CEP192: variants seen among roughly 807,000 people sequenced by gnomAD.
CEP192 encodes centrosomal protein of 192 kDa.
CEP192 carries 151 observed loss-of-function variants against 271.8 expected under a neutral mutation model. The observed-to-expected ratio is 0.56, with a 90% CI of 0.49 to 0.64. CEP192 has a LOEUF of 0.64. CEP192 is among the 30% of genes least tolerant of loss of function. CEP192 has a pLI of 0.00. For synonymous variants in CEP192, 995 were observed against 1,076.5 expected (o/e 0.92, Z 1.48); for missense variants, 2,910 against 3,020.5 (o/e 0.96, Z 0.86).
chr18:13,023,834 G>A (rs149511406), intron 9 of CEP192, among the ~76,000 whole-genome samples: 15 of 152,246 alleles, frequency 9.9e-5, no homozygotes, highest in Non-Finnish European at 2.1e-4. Flanking sequence ...ATTCACTGTT[G>A]AACCTATCTG....
At chr18:13,053,404 G>A (rs1000174690) in intron 18 of CEP192, among the ~76,000 whole-genome samples, 1 of 152,150 alleles carries the variant, frequency 6.6e-6, no homozygotes, top group African/African-American at 2.4e-5. Context: ...CTTTGCTTCA[G>A]CAAAGGTTTC....
At chr18:13,034,820 TAA>T (rs33997079) in intron 11 of CEP192, among the ~76,000 whole-genome samples, 42 of 104,476 alleles carry the variant, frequency 4.0e-4, no homozygotes, top group Admixed American at 5.8e-4. Context: ...CTCTGTCTCA[TAA>T]AAAAAAAAAA....
intron 1 of CEP192, among the ~76,000 whole-genome samples, chr18:12,993,232 T>C (rs1230546479): frequency 2.6e-5 from 4 of 152,112 alleles, no homozygotes; most frequent in African/African-American, 9.7e-5. Context: ...TGGATTTGGG[T>C]GAAGACTAAA....
rs1438947641 is a variant in CEP192, at chr18:13,029,977, C to T, written c.1365C>T (p.His455=). ...GTGAAAGGCGAACATGTGAATGTCA[C>T]GAGTCCATCGAAAAGAATAAAGACA... The part of the protein sequence containing the change: ...PTCERRTCEC[H]ESIEKNKDKT... The change falls in exon 10 of 45, where the codon CAC becomes CAT. Residue 455 remains histidine (H), a synonymous_variant. Transcript: ENST00000506447. The T allele has an allele frequency of 3.2e-6, 5 of 1,549,656 alleles. No individual in the cohort carries two copies. Among genetic ancestry groups the T allele is most frequent in the Admixed American group, 2.0e-5 (1 of 50,850 alleles).
intron 17 of CEP192, 80 bp from the exon 18 acceptor site, chr18:13,052,839 G>A (rs1475450213): frequency 9.5e-7 from 1 of 1,052,298 alleles, no homozygotes; most frequent in Non-Finnish European, 1.3e-6. Context: ...AAGATTGTAG[G>A]CCCATAGGAA....
chr18:13,013,019 AC>A lies in CEP192; in HGVS notation c.516del (p.Lys173ArgfsTer16). 1 of 1,460,814 alleles carries A rather than the reference AC, an allele frequency of 6.8e-7. No homozygotes were observed. The highest frequency in any genetic ancestry group is 1.4e-5 in the African/African-American group (1 of 71,260). 90.5% of individuals were successfully genotyped at this position (1,460,814 alleles called of 1,614,324 possible). Reference protein sequence around the residue: ...HLQSWMNNKEPKIVVLDAGKH... With the variant: ...HLQSWMNNKEXKIVVLDAGKH... ...TACAGTCATGGATGAATAATAAGGA[AC>A]CCAAGGTAACCTTTTATATATTTGG... On this transcript the variant is annotated frameshift_variant, in exon 5 of 45. Coordinates refer to ENST00000506447, the MANE Select transcript of CEP192 (RefSeq NM_032142.4). LOFTEE classifies it high-confidence loss of function.
In CEP192 at chr18:13,049,277, C is replaced by T; in HGVS notation, c.2486C>T (p.Ala829Val). The stretch of plus-strand genomic sequence containing the variant: ...GACATTCATCCGGTGGACTTAAGTG[C>T]TACTAGTGTAAGTGTGAGGGCACCA... ...TQDIHPVDLS[A>V]TSVSVRAPEE... Residue 829 changes from alanine (A) to valine (V), a missense_variant, in exon 16 of 45, where the codon GCT becomes GTT. Ala to Val is a moderately conservative substitution (Grantham distance 64). Transcript: ENST00000506447. 1 of 1,614,106 alleles carries T rather than the reference C, an allele frequency of 6.2e-7. No homozygotes were observed. The highest frequency in any genetic ancestry group is 8.5e-7 in the Non-Finnish European group (1 of 1,180,010).
At chr18:13,097,357 C>A (rs1005873854) in intron 36 of CEP192, among the ~76,000 whole-genome samples, 11 of 152,338 alleles carry the variant, frequency 7.2e-5, no homozygotes, top group African/African-American at 2.6e-4. Context: ...TCTCTGGCAT[C>A]CCCTGGTTCT....
At chr18:13,068,715 T>A (rs78499266) in intron 24 of CEP192, 137 bp from the exon 25 acceptor site, 19,956 of 804,160 alleles carry the variant, frequency 0.025, 329 homozygotes, top group Middle Eastern at 0.058. Flanking sequence ...CACTCATTTC[T>A]ATTCTTTTAA....
intron 32 of CEP192, among the ~76,000 whole-genome samples, chr18:13,088,059 C>T (rs2144704868): frequency 6.6e-6 from 1 of 152,222 alleles, no homozygotes; most frequent in East Asian, 1.9e-4. Flanking sequence ...TCTGGGAATG[C>T]TGTGAATTAT....
rs1300086654 is a variant in CEP192 at position 13,008,540 on chromosome 18, A to AG, written c.376dup (p.Ala126GlyfsTer35). 2 of 1,551,606 alleles carry AG rather than the reference A, an allele frequency of 1.3e-6. No homozygotes were observed. The highest frequency in any genetic ancestry group is 1.7e-6 in the Non-Finnish European group (2 of 1,146,874). On this transcript the variant is annotated frameshift_variant, in exon 4 of 45. Transcript: ENST00000506447. LOFTEE classifies it high-confidence loss of function. ...AACAGTCAGCTTTACAAATGGAGAC[A>AG]GCAGGACCAGAAGAGGAGCCAGCCG...
Position 13,116,787 on chromosome 18 carries a change from T to C in CEP192, c.7416+284T>C, listed in dbSNP as rs183716742. Among the ~76,000 whole-genome samples the C allele has an allele frequency of 2.8e-4, 43 of 152,274 alleles. No homozygotes were observed. In the East Asian group the frequency reaches 7.0e-3, roughly 25 times the overall value. On this transcript the variant is annotated intron_variant, in intron 43 of 44. Coordinates refer to ENST00000506447, the MANE Select transcript of CEP192 (RefSeq NM_032142.4). ...ACCACGCCTGGCTAATTTTTTGTATTTTTAGTAGAGACGGGGTTTCACCGT... is the reference window on the plus strand; with the variant it reads ...ACCACGCCTGGCTAATTTTTTGTATCTTTAGTAGAGACGGGGTTTCACCGT...
Position 13,049,325 on chromosome 18 carries a change from T to A in CEP192, c.2534T>A (p.Val845Asp). The change falls in exon 16 of 45, where the codon GTT becomes GAT. Residue 845 changes from valine (V) to aspartate (D), a missense_variant. Val to Asp is a radical substitution (Grantham distance 152). Transcript: ENST00000506447. ...CCAGAAGAAAACACAGCAGCTATTG[T>A]TTATGTTGAAAATGGAGAGAGTGAG... ...RAPEENTAAI[V>D]YVENGESENQ... The A allele has an allele frequency of 6.2e-7, 1 of 1,614,122 alleles. No individual in the cohort carries two copies. The highest frequency in any genetic ancestry group is 8.5e-7 in the Non-Finnish European group (1 of 1,180,002).
intron 36 of CEP192, among the ~76,000 whole-genome samples, chr18:13,096,676 C>G (rs914306417): frequency 1.1e-4 from 17 of 152,160 alleles, no homozygotes; most frequent in African/African-American, 3.9e-4. Flanking sequence ...TGTCCCGAGC[C>G]CAAACACTTC....
intron 19 of CEP192, 98 bp from the exon 20 acceptor site, chr18:13,057,487 C>A (rs1053975555): frequency 3.0e-6 from 4 of 1,355,898 alleles, no homozygotes; most frequent in African/African-American, 2.9e-5. Flanking sequence ...TCTGTGTAAA[C>A]AGGCCATCTT....
chr18:13,009,705 T>C (rs2034215372), intron 4 of CEP192, among the ~76,000 whole-genome samples: 1 of 152,136 alleles, frequency 6.6e-6, no homozygotes. Flanking sequence ...TCATGGTGGC[T>C]ACCTGTAATC....
At chr18:13,103,730 G>A (rs1229887885) in intron 39 of CEP192, 142 bp downstream of exon 39, 24 of 728,528 alleles carry the variant, frequency 3.3e-5, no homozygotes, top group South Asian at 9.1e-5. Context: ...TTGCTCTGTC[G>A]CCCAGGCTGG....
Position 13,087,048 on chromosome 18 carries a change from A to T in CEP192, c.5648A>T (p.Asn1883Ile). The change falls in exon 31 of 45, where the codon AAT (asparagine) becomes ATT (isoleucine). Residue 1883 changes from asparagine (N) to isoleucine (I), a missense_variant. By Grantham distance (149) the Asn-to-Ile change is moderately radical. Coordinates refer to ENST00000506447, the MANE Select transcript of CEP192 (RefSeq NM_032142.4). ...TTGTCTGGATATGGAGGAACAAGCA[A>T]TCTTATTTTGGAAGGCGTTAAAAAA... The part of the protein sequence containing the change: ...IPLSGYGGTS[N>I]LILEGVKKLS... 1 of 1,612,592 alleles carries T rather than the reference A, an allele frequency of 6.2e-7. No individual in the cohort carries two copies. The highest frequency in any genetic ancestry group is 1.1e-5 in the South Asian group (1 of 91,010).
rs747638682 is a variant in CEP192 at position 13,124,681 on chromosome 18, G to A, written c.7525G>A (p.Gly2509Ser). ...CGTGCAGTTCAAACCGAAGTCCGCAGGCAAATTTGAAGCTTTGCTTGTCAT... is the reference window on the plus strand; with the variant it reads ...CGTGCAGTTCAAACCGAAGTCCGCAAGCAAATTTGAAGCTTTGCTTGTCAT... ...MPVQFKPKSA[G>S]KFEALLVIQT... The change falls in exon 45 of 45, where the codon GGC becomes AGC. Residue 2509 changes from glycine to serine, a missense_variant. Physicochemically the swap from Gly to Ser is moderately conservative, Grantham distance 56. Coordinates refer to ENST00000506447, the MANE Select transcript of CEP192 (RefSeq NM_032142.4). The A allele has an allele frequency of 3.1e-6, 5 of 1,613,906 alleles. No individual in the cohort carries two copies. Among genetic ancestry groups the A allele is most frequent in the East Asian group, 2.2e-5 (1 of 44,886 alleles).
Sources: allele counts gnomAD v4.1 joint callset (sites outside exome capture counted in the v4.1 genomes callset), GRCh38; gene constraint gnomAD v4.1.1; transcripts MANE v1.5; gene names NCBI Gene and HGNC (gene_info 2026-07-23, HGNC 2026-07-21).